The following HSD17B14 variants were observed in gnomAD, a reference collection of about 807,000 sequenced individuals.
HSD17B14 encodes the protein L-fucose dehydrogenase.
A neutral mutation model predicts 32.2 loss-of-function variants in HSD17B14; 32 were observed. The ratio of observed to expected loss-of-function variants is 0.99; its 90% CI spans 0.75 to 1.33. The LOEUF is 1.33. Among genes scored for constraint, HSD17B14 ranks in the 40% most tolerant of loss-of-function variants. The pLI is 0.00. For synonymous variants in HSD17B14, 140 were observed against 155.4 expected, an observed-to-expected ratio of 0.90 and a Z score of 0.74; for missense variants, 370 against 366.5, an observed-to-expected ratio of 1.01 and a Z score of -0.08.
chr19:48,834,394 G>T, intron 2 of HSD17B14, 36 bp from the exon 3 acceptor site: 2 of 1,352,630 alleles, frequency 1.5e-6, no homozygotes, highest in African/African-American at 1.4e-5. Context: ...CTGGACCCCT[G>T]GGTCTCAGGG....
chr19:48,826,542 T>TATATATACACAC lies in HSD17B14; in HGVS notation c.369+5125_369+5126insGTGTGTATATAT. On this transcript the variant is annotated intron_variant, in intron 5 of 8. Transcript: ENST00000263278. Reference sequence around the variant, plus strand: ...GAAAAGAAGAAAATATATATATATATACACACACACACACACACACACACA... The same window carrying TATATATACACAC: ...GAAAAGAAGAAAATATATATATATATATATATACACACACACACACACACACACACACACACA... 1.7e-4 allele frequency among the ~76,000 whole-genome samples: 14 copies of TATATATACACAC among 80,118 alleles called. 1 individual carries two copies. Among genetic ancestry groups the TATATATACACAC allele is most frequent in the African/African-American group, 7.3e-4 (14 of 19,082 alleles). The allele number at this position is 80,118 out of a possible 152,430, so 52.6% of individuals were successfully genotyped here. A position where few individuals can be genotyped will look rare whatever the true frequency, so the allele number is the denominator to read the frequency against.
chr19:48,825,278 T>TG (rs2035226042), intron 5 of HSD17B14, among the ~76,000 whole-genome samples: 2 of 141,208 alleles, frequency 1.4e-5, no homozygotes, highest in Non-Finnish European at 3.1e-5. Context: ...TGGGTGGTGG[T>TG]GGGGGGCAGG....
At chr19:48,824,848 T>C (rs985301471) in intron 5 of HSD17B14, among the ~76,000 whole-genome samples, 2 of 151,718 alleles carry the variant, frequency 1.3e-5, no homozygotes, top group African/African-American at 4.8e-5. Context: ...ATCTGTACTA[T>C]TCTAGGAATA....
At chr19:48,835,898 G>C (rs147118914) in intron 1 of HSD17B14, 55 bp from the exon 2 acceptor site, 40 of 1,551,024 alleles carry the variant, frequency 2.6e-5, no homozygotes, top group Non-Finnish European at 3.5e-5. Context: ...AGCCTCTGCC[G>C]CCCTCTTGTG....
intron 5 of HSD17B14, among the ~76,000 whole-genome samples, chr19:48,824,554 A>C (rs931038279): frequency 6.6e-6 from 1 of 151,520 alleles, no homozygotes; most frequent in African/African-American, 2.4e-5. Context: ...GCGGATCACG[A>C]GGTCAGGAGA....
chr19:48,815,089 C>A lies in HSD17B14; in HGVS notation c.422G>T (p.Ser141Ile), dbSNP rs1274007558. 6.2e-7 allele frequency: 1 copy of A among 1,613,998 alleles called. No individual in the cohort carries two copies. The highest frequency in any genetic ancestry group is 1.1e-5 in the South Asian group (1 of 91,080). The change falls in exon 6 of 9, where the codon AGC becomes ATC. Residue 141 changes from serine to isoleucine, a missense_variant. By Grantham distance (142) the Ser-to-Ile change is moderately radical. Coordinates refer to ENST00000263278, the MANE Select transcript of HSD17B14 (RefSeq NM_016246.3). ...GGCCTGGCCGATTGCCCCCACCAGG[C>A]TGGAGATGTTGATGACATTCCCTTG... ...KSQGNVINIS[S>I]LVGAIGQAQA...
intron 5 of HSD17B14, among the ~76,000 whole-genome samples, chr19:48,815,482 T>A (rs1194976842): frequency 2.0e-5 from 3 of 152,066 alleles, no homozygotes; most frequent in African/African-American, 7.2e-5. Context: ...GGAAAATGGA[T>A]GAGAGATCCA....
chr19:48,813,529 G>T lies in HSD17B14; in HGVS notation c.566C>A (p.Thr189Asn), dbSNP rs1162771001. The T allele has an allele frequency of 1.9e-6, 3 of 1,614,128 alleles. No individual in the cohort carries two copies. The highest frequency in any genetic ancestry group is 1.1e-5 in the South Asian group (1 of 91,086). Residue 189 changes from threonine to asparagine, a missense_variant, in exon 8 of 9, where the codon ACC (threonine) becomes AAC (asparagine). Physicochemically the swap from Thr to Asn is moderately conservative, Grantham distance 65 (BLOSUM62 0). Transcript: ENST00000263278. ...VNCISPGNIWTPLWEELAALM... is the reference protein window; with the variant it reads ...VNCISPGNIWNPLWEELAALM... ...GGCTGCCAGCTCCTCCCACAGCGGG[G>T]TCCAGATGTTTCCTGGGGAGATACT...
chr19:48,825,933 A>G lies in HSD17B14; in HGVS notation c.369+5735T>C, dbSNP rs566198335. Among the ~76,000 whole-genome samples the G allele has an allele frequency of 2.7e-3, 413 of 151,844 alleles. 1 individual carries two copies. Among genetic ancestry groups the G allele is most frequent in the Non-Finnish European group, 4.5e-3 (307 of 67,902 alleles). On this transcript the variant is annotated intron_variant, in intron 5 of 8. Transcript: ENST00000263278. ...CCTCCTGGGTTCACGCCATTCTCCC[A>G]CCTCAGCCTCCCGAGTAGCTGGGAC... is the stretch of plus-strand genomic sequence containing the variant.
At chr19:48,823,155 C>T (rs1419214546) in intron 5 of HSD17B14, among the ~76,000 whole-genome samples, 2 of 152,074 alleles carry the variant, frequency 1.3e-5, no homozygotes, top group African/African-American at 4.8e-5. Flanking sequence ...GGTATCAAGA[C>T]ATTTCTGTTA....
rs2035513898 is a variant in HSD17B14, at chr19:48,836,316, C to T, written c.88+8G>A. On this transcript the variant is annotated splice_region_variant and intron_variant, in intron 1 of 8. Transcript: ENST00000263278. Reference sequence around the variant, plus strand: ...CTCCACAGCTCCCAGCAGTCAGACCCGGCTCACCGAAGGCGCGCACGATCC... The same window carrying T: ...CTCCACAGCTCCCAGCAGTCAGACCTGGCTCACCGAAGGCGCGCACGATCC... 1.9e-6 allele frequency: 3 copies of T among 1,613,600 alleles called. No individual in the cohort carries two copies. The highest frequency in any genetic ancestry group is 4.5e-5 in the East Asian group (2 of 44,874).
intron 5 of HSD17B14, among the ~76,000 whole-genome samples, chr19:48,823,392 A>G (rs1277000887): frequency 1.3e-5 from 2 of 152,098 alleles, no homozygotes; most frequent in Non-Finnish European, 2.9e-5. Context: ...CCTGGGTGAC[A>G]GAGCAAGACA....
chr19:48,833,280 CA>C (rs2035378639), intron 3 of HSD17B14, among the ~76,000 whole-genome samples: 1 of 150,974 alleles, frequency 6.6e-6, no homozygotes, highest in African/African-American at 2.4e-5. Flanking sequence ...GGGGGTGGGG[CA>C]GGGGGGTGAC....
intron 2 of HSD17B14, among the ~76,000 whole-genome samples, chr19:48,834,785 GGA>G (rs1227970979): frequency 1.0e-5 from 1 of 99,898 alleles, no homozygotes; most frequent in Non-Finnish European, 2.0e-5. Flanking sequence ...GGAGGGGCTG[GGA>G]GCCTGGACTC....
chr19:48,826,528 A>AAAAAAAATATAT (rs777368104), intron 5 of HSD17B14, among the ~76,000 whole-genome samples: 1 of 23,078 alleles, frequency 4.3e-5, no homozygotes, highest in African/African-American at 1.2e-4. Flanking sequence ...AAAAGAAGAA[A>AAAAAAAATATAT]ATATATATAT....
At chr19:48,815,344 G>A (rs1017491606) in intron 5 of HSD17B14, among the ~76,000 whole-genome samples, 3 of 152,052 alleles carry the variant, frequency 2.0e-5, no homozygotes, top group Non-Finnish European at 4.4e-5. Flanking sequence ...AGCACTCAAG[G>A]AGTCTCTCCT....
chr19:48,833,729 G>A (rs2035389948), intron 3 of HSD17B14, among the ~76,000 whole-genome samples: 1 of 152,140 alleles, frequency 6.6e-6, no homozygotes, highest in Admixed American at 6.6e-5. Context: ...GGGAGGCTGA[G>A]AGAGGAGAAT....
At chr19:48,834,490 A>ACTCCTGGGTCTGAGGGTGGAGGGGCTGT in intron 2 of HSD17B14, 132 bp from the exon 3 acceptor site, 1 of 279,560 alleles carries the variant, frequency 3.6e-6, no homozygotes, top group East Asian at 8.8e-5. Flanking sequence ...GGAGGGGCTG[A>ACTCCTGGGTCTGAGGGTGGAGGGGCTGT]GGTCTGGACT....
intron 2 of HSD17B14, among the ~76,000 whole-genome samples, chr19:48,835,493 C>T (rs973280009): frequency 5.5e-5 from 8 of 146,376 alleles, no homozygotes; most frequent in Non-Finnish European, 1.5e-5. Context: ...GGAGCCTGGA[C>T]CCCTGGGTCT....
Sources: gnomAD v4.1 joint callset for allele counts (sites outside exome capture counted in the v4.1 genomes callset) on GRCh38, gnomAD v4.1.1 for gene constraint, MANE v1.5 for transcripts, NCBI Gene and HGNC (gene_info 2026-07-23, HGNC 2026-07-21) for gene names.